Variants in SOX6 observed in about 807,000 individuals in gnomAD.
SOX6 encodes the protein SRY-box transcription factor 6.
Under a neutral mutation model 97.8 loss-of-function variants are expected in SOX6, and 11 were observed. The observed-to-expected ratio is 0.11, with a 90% CI of 0.07 to 0.19. The LOEUF (loss-of-function observed/expected upper bound fraction) is 0.19. Ranked by LOEUF, SOX6 falls within the 10% of genes least tolerant of loss-of-function variation. SOX6 has a pLI of 1.00. For synonymous variants in SOX6, 360 were observed against 371.4 expected, an observed-to-expected ratio of 0.97 and a Z score of 0.35; for missense variants, 810 against 1,039.5, an observed-to-expected ratio of 0.78 and a Z score of 3.04.
At chr11:16,011,577 C>T (rs1276545131) in intron 13 of SOX6, among the ~76,000 whole-genome samples, 1 of 152,104 alleles carries the variant, frequency 6.6e-6, no homozygotes, top group African/African-American at 2.4e-5. Flanking sequence ...ACCTTTTCCT[C>T]ACTGCCTCCA....
intron 6 of SOX6, among the ~76,000 whole-genome samples, chr11:16,174,264 A>G (rs1396637563): frequency 6.6e-6 from 1 of 151,904 alleles, no homozygotes; most frequent in African/African-American, 2.4e-5. Context: ...ACATGTATCA[A>G]AAGTTAGAGT....
chr11:16,028,346 T>G (rs1855266886), intron 12 of SOX6, among the ~76,000 whole-genome samples: 2 of 152,234 alleles, frequency 1.3e-5, no homozygotes, highest in South Asian at 4.1e-4. Context: ...AGCATATGCA[T>G]AGATCCACAA....
intron 13 of SOX6, among the ~76,000 whole-genome samples, chr11:16,003,270 T>C (rs1403652310): frequency 1.3e-5 from 2 of 151,970 alleles, no homozygotes; most frequent in Non-Finnish European, 2.9e-5. Flanking sequence ...CACACTGTGT[T>C]GTGTGTGTAC....
intron 4 of SOX6, among the ~76,000 whole-genome samples, chr11:16,566,441 A>G (rs1157254463): frequency 6.6e-6 from 1 of 152,250 alleles, no homozygotes; most frequent in African/African-American, 2.4e-5. Context: ...AATACCATGT[A>G]GTATTGAAAT....
At chr11:16,640,711 G>A (rs1014210250) in intron 3 of SOX6, among the ~76,000 whole-genome samples, 8 of 152,138 alleles carry the variant, frequency 5.3e-5, no homozygotes, top group African/African-American at 1.4e-4. Context: ...GGTGTTTATA[G>A]TATTCTCTGA....
chr11:16,020,099 G>C (rs1310510042), intron 12 of SOX6, among the ~76,000 whole-genome samples: 2 of 152,128 alleles, frequency 1.3e-5, no homozygotes, highest in East Asian at 3.9e-4. Flanking sequence ...TGCAAAAGCA[G>C]CTTTCTCTTT....
In SOX6 at chr11:16,000,380, A is replaced by T. The variant is rs1854368729; in HGVS notation, c.1733-11150T>A. Among the ~76,000 whole-genome samples, 3 of 152,312 alleles carry T rather than the reference A, an allele frequency of 2.0e-5. No individual in the cohort carries two copies. The South Asian group carries it at 6.2e-4, about 32-fold the overall frequency. On this transcript the variant is annotated intron_variant, in intron 13 of 15. Coordinates refer to ENST00000683767, the MANE Select transcript of SOX6 (RefSeq NM_001367873.1). The stretch of plus-strand genomic sequence containing the variant: ...TCTGTATCTTTTATAAAAATTACCT[A>T]GATGTATTAGCAAAGAGTGATCTAG...
At chr11:16,061,554 A>G (rs1285689581) in intron 9 of SOX6, among the ~76,000 whole-genome samples, 7 of 151,832 alleles carry the variant, frequency 4.6e-5, no homozygotes, top group Non-Finnish European at 1.0e-4. Context: ...CCTAAAATTC[A>G]TATGCAACCA....
chr11:16,563,999 A>G (rs1411577421), intron 4 of SOX6, among the ~76,000 whole-genome samples: 2 of 152,156 alleles, frequency 1.3e-5, no homozygotes, highest in Non-Finnish European at 2.9e-5. Context: ...AAAATCCTAT[A>G]CCCAATGAAA....
At chr11:16,341,495 AT>A (rs1309316577) in intron 1 of SOX6, among the ~76,000 whole-genome samples, 1 of 151,840 alleles carries the variant, frequency 6.6e-6, no homozygotes, top group African/African-American at 2.4e-5. Flanking sequence ...TCCATTAATG[AT>A]TTTTTTACAG....
At chr11:16,305,661 C>T (rs1590109615) in intron 3 of SOX6, among the ~76,000 whole-genome samples, 1 of 152,086 alleles carries the variant, frequency 6.6e-6, no homozygotes, top group East Asian at 1.9e-4. Context: ...TGTTCTTCAA[C>T]AAGTAAATAG....
At chr11:16,059,021 G>A (rs1215193722) in intron 9 of SOX6, among the ~76,000 whole-genome samples, 1 of 151,970 alleles carries the variant, frequency 6.6e-6, no homozygotes, top group Non-Finnish European at 1.5e-5. Context: ...CATTTTAGAG[G>A]TTCAGCTCCC....
In SOX6 at chr11:15,968,234, G is replaced by A. The variant is rs1481012588; in HGVS notation, c.*4575C>T. 5 of 152,180 alleles carry A rather than the reference G, an allele frequency of 3.3e-5. No individual in the cohort carries two copies. In the East Asian group the frequency reaches 9.6e-4, roughly 29 times the overall value. The allele number at this position is 152,180 out of a possible 1,614,324, so 9.4% of individuals were successfully genotyped here. ...TATACTTTGAGAAGTGAGCTTAAGT[G>A]CCAACTCAATTCTTAGACAAACGTG... On this transcript the variant is annotated 3_prime_UTR_variant, in exon 16 of 16. Transcript: ENST00000683767.
intron 3 of SOX6, among the ~76,000 whole-genome samples, chr11:16,676,049 A>G (rs893762335): frequency 4.7e-5 from 7 of 148,202 alleles, no homozygotes; most frequent in Admixed American, 1.3e-4. Context: ...TGGGACTCCA[A>G]CTATGCATAA....
intron 1 of SOX6, among the ~76,000 whole-genome samples, chr11:16,399,346 T>TTTTTATTTTA (rs527957234): frequency 0.021 from 3,092 of 150,076 alleles, 108 homozygotes; most frequent in African/African-American, 0.067. Flanking sequence ...TTTTATATTA[T>TTTTTATTTTA]TTTTATTTTA....
chr11:16,694,813 A>G (rs932793303), intron 3 of SOX6, among the ~76,000 whole-genome samples: 6 of 152,154 alleles, frequency 3.9e-5, no homozygotes, highest in African/African-American at 1.4e-4. Context: ...TCAACCAACA[A>G]AAGATCAAAA....
intron 4 of SOX6, among the ~76,000 whole-genome samples, chr11:16,211,934 GAGAA>G (rs1448255692): frequency 6.6e-6 from 1 of 152,164 alleles, no homozygotes; most frequent in Non-Finnish European, 1.5e-5. Context: ...TTACTGAGAT[GAGAA>G]AGATTTTAGG....
intron 1 of SOX6, among the ~76,000 whole-genome samples, chr11:16,452,535 T>A (rs916943060): frequency 3.9e-5 from 6 of 152,174 alleles, no homozygotes; most frequent in African/African-American, 1.4e-4. Context: ...TTAAGCTTGA[T>A]TTTGAGGAAG....
chr11:16,046,582 G>T lies in SOX6; in HGVS notation c.1555C>A (p.Pro519Thr), dbSNP rs761072479. Reference protein sequence around the residue: ...QIQREQQQQQPHGVDGKLSSI... With the variant: ...QIQREQQQQQTHGVDGKLSSI... Reference sequence around the variant, plus strand: ...GACAGTTTCCCGTCAACACCATGTGGCTGTTGCTGCTGTTGCTCCCGCTGG... The same window carrying T: ...GACAGTTTCCCGTCAACACCATGTGTCTGTTGCTGCTGTTGCTCCCGCTGG... The change falls in exon 12 of 16, where the codon CCA (proline) becomes ACA (threonine). Residue 519 changes from proline to threonine, a missense_variant. Physicochemically the swap from Pro to Thr is conservative, Grantham distance 38 (BLOSUM62 -1). This residue lies in a region of SOX6 where 120 missense variants were observed against 127.0 expected (regional missense o/e 0.94). Transcript: ENST00000683767. The T allele has an allele frequency of 1.7e-5, 28 of 1,613,622 alleles. No individual in the cohort carries two copies. Among genetic ancestry groups the T allele is most frequent in the African/African-American group, 8.0e-5 (6 of 74,892 alleles).
Sources: gnomAD v4.1 joint callset for allele counts (sites outside exome capture counted in the v4.1 genomes callset) on GRCh38, gnomAD v4.1.1 for gene constraint, gnomAD v4.1.1 regional missense constraint, MANE v1.5 for transcripts, NCBI Gene and HGNC (gene_info 2026-07-23, HGNC 2026-07-21) for gene names.